RABGAP1: variants seen among roughly 807,000 people sequenced by gnomAD.
RABGAP1 encodes the protein rab GTPase-activating protein 1.
Under a neutral mutation model 137.6 loss-of-function variants are expected in RABGAP1, and 23 were observed. The observed-to-expected ratio is 0.17, with a 90% confidence interval of 0.12 to 0.24. The LOEUF is 0.24. Among genes scored for constraint, RABGAP1 ranks in the 10% least tolerant of loss-of-function variants. The pLI, the probability that RABGAP1 is intolerant of heterozygous loss-of-function variation, is 1.00. For synonymous variants in RABGAP1, 451 were observed against 450.7 expected, an observed-to-expected ratio of 1.00 and a Z score of -0.01; for missense variants, 906 against 1,275.8, an observed-to-expected ratio of 0.71 and a Z score of 4.42.
intron 13 of RABGAP1, among the ~76,000 whole-genome samples, chr9:123,021,817 G>C (rs2031658642): frequency 6.6e-6 from 1 of 152,170 alleles, no homozygotes; most frequent in Admixed American, 6.5e-5. Context: ...TACAACCACA[G>C]TGTTGGAGCT....
intron 10 of RABGAP1, among the ~76,000 whole-genome samples, chr9:122,999,678 C>T (rs540024251): frequency 3.3e-5 from 5 of 151,126 alleles, no homozygotes; most frequent in African/African-American, 9.7e-5. Flanking sequence ...GGGGTTCTTG[C>T]GTTTTTAAAT....
intron 19 of RABGAP1, among the ~76,000 whole-genome samples, chr9:123,080,075 T>G (rs1450020663): frequency 6.6e-6 from 1 of 152,184 alleles, no homozygotes; most frequent in Non-Finnish European, 1.5e-5. Context: ...CAGCCAGAAG[T>G]TTTACCTTTT....
At position 122,984,594 on chromosome 9, in the gene RABGAP1, A is replaced by G; in HGVS notation, c.260A>G (p.Gln87Arg). Residue 87 changes from glutamine to arginine, a missense_variant, in exon 3 of 26, where the codon CAA becomes CGA. Around this residue, in one of 9 missense-constraint regions of RABGAP1, gnomAD observed 331 missense variants for 358.3 expected, o/e 0.92. Transcript: ENST00000373647. ...PGEKELVKRS[Q>R]LDGEGDGPLS... ...GAAAAGGAGCTTGTGAAAAGGTCAC[A>G]ACTGGATGGTGAAGGAGATGGGCCT... 3 of 1,614,188 alleles carry G rather than the reference A, an allele frequency of 1.9e-6. No homozygotes were observed. The Admixed American group carries it at 5.0e-5, about 27-fold the overall frequency.
chr9:123,010,295 AT>A (rs2030683685), intron 10 of RABGAP1, 58 bp from the exon 11 acceptor site: 1 of 1,432,254 alleles, frequency 7.0e-7, no homozygotes, highest in African/African-American at 1.4e-5. Flanking sequence ...AAACACTGCA[AT>A]TAATTAAAAA....
At chr9:122,956,357 A>G (rs1267641757) in intron 1 of RABGAP1, among the ~76,000 whole-genome samples, 2 of 151,592 alleles carry the variant, frequency 1.3e-5, no homozygotes, top group Non-Finnish European at 3.0e-5. Flanking sequence ...GTGCCCTCAC[A>G]ATAACTAAGT....
chr9:123,014,413 A>C (rs1357396881), intron 11 of RABGAP1, among the ~76,000 whole-genome samples: 2 of 152,218 alleles, frequency 1.3e-5, no homozygotes, highest in African/African-American at 4.8e-5. Flanking sequence ...TAAAAACATA[A>C]AAGAGCAGAG....
intron 21 of RABGAP1, 112 bp from the exon 22 acceptor site, chr9:123,097,629 C>G: frequency 1.2e-6 from 1 of 858,508 alleles, no homozygotes. Context: ...TATAATTTCC[C>G]CTCTCTGAAT....
intron 7 of RABGAP1, 111 bp downstream of exon 7, chr9:122,996,262 A>G (rs1837017807): frequency 4.2e-6 from 6 of 1,437,016 alleles, no homozygotes; most frequent in Non-Finnish European, 5.5e-6. Context: ...TTTGTTCCCT[A>G]GGAAATTATT....
chr9:123,003,253 A>AT (rs1236888700), intron 10 of RABGAP1, among the ~76,000 whole-genome samples: 12 of 152,210 alleles, frequency 7.9e-5, no homozygotes, highest in Non-Finnish European at 1.5e-4. Flanking sequence ...TTCAATGAGG[A>AT]TAAATAGTAT....
rs377408130 is a variant in RABGAP1, at chr9:122,997,209, G to A, written c.1102-50G>A. 5.7e-6 allele frequency: 8 copies of A among 1,411,418 alleles called. No individual in the cohort carries two copies. In the African/African-American group the frequency reaches 1.2e-4, roughly 20 times the overall value. 87.4% of individuals were successfully genotyped at this position (1,411,418 alleles called of 1,614,324 possible). The stretch of plus-strand genomic sequence containing the variant: ...AAAGGCAGCAAGATGGGGGTTAACT[G>A]TTGTTCACTCACTGTGGCATTCGGG... On this transcript the variant is annotated intron_variant, in intron 8 of 25. Coordinates refer to ENST00000373647, the MANE Select transcript of RABGAP1 (RefSeq NM_012197.4).
At chr9:123,085,560 CCT>C (rs2034838082) in intron 19 of RABGAP1, among the ~76,000 whole-genome samples, 1 of 152,266 alleles carries the variant, frequency 6.6e-6, no homozygotes, top group African/African-American at 2.4e-5. Flanking sequence ...GGCAAAAATA[CCT>C]CTGTTTGAAG....
chr9:122,955,151 C>T (rs1834441248), intron 1 of RABGAP1, among the ~76,000 whole-genome samples: 1 of 152,072 alleles, frequency 6.6e-6, no homozygotes, highest in Non-Finnish European at 1.5e-5. Context: ...GGAAGAGAAT[C>T]CTGTGAGGGC....
intron 14 of RABGAP1, among the ~76,000 whole-genome samples, chr9:123,068,970 G>A (rs1186338219): frequency 6.6e-6 from 1 of 152,132 alleles, no homozygotes; most frequent in Non-Finnish European, 1.5e-5. Flanking sequence ...AGTTTCACAA[G>A]AAATAAATTT....
intron 13 of RABGAP1, among the ~76,000 whole-genome samples, chr9:123,041,829 A>G (rs1230677099): frequency 6.6e-6 from 1 of 152,236 alleles, no homozygotes; most frequent in Non-Finnish European, 1.5e-5. Flanking sequence ...CTATAAGCAT[A>G]GAGACTAAAA....
chr9:123,103,969 G>GTGTT lies in RABGAP1; in HGVS notation c.*759_*760insTTGT, dbSNP rs2035422512. The GTGTT allele has an allele frequency of 2.3e-5, 1 of 43,154 alleles. No individual in the cohort carries two copies. The highest frequency in any genetic ancestry group is 1.4e-3 in the South Asian group (1 of 716). 2.7% of individuals were successfully genotyped at this position (43,154 alleles called of 1,614,324 possible). The stretch of plus-strand genomic sequence containing the variant: ...CTTATTTTGCTTAATGTGTTTGTGT[G>GTGTT]TGTGTGTGTGTGTGTGTGTGTGTGT... On this transcript the variant is annotated 3_prime_UTR_variant, in exon 26 of 26. Transcript: ENST00000373647.
At chr9:123,028,757 C>T (rs2032129662) in intron 13 of RABGAP1, among the ~76,000 whole-genome samples, 1 of 152,160 alleles carries the variant, frequency 6.6e-6, no homozygotes. Flanking sequence ...AAAGTGGTTT[C>T]CATCTAAAGG....
At chr9:122,939,477 T>C (rs1365210413), upstream of RABGAP1, 1 of 125,316 alleles carries the variant, frequency 8.0e-6, no homozygotes, top group Non-Finnish European at 1.5e-5. Context: ...TGGCCTTTTT[T>C]ATTAAAAAAA....
At chr9:122,944,824 G>T (rs890123594) in intron 1 of RABGAP1, among the ~76,000 whole-genome samples, 3 of 151,608 alleles carry the variant, frequency 2.0e-5, no homozygotes, top group Non-Finnish European at 4.4e-5. Flanking sequence ...TAATCCACCT[G>T]CCTCGGCCTC....
chr9:123,060,337 G>C (rs2033920075), intron 13 of RABGAP1, among the ~76,000 whole-genome samples: 1 of 152,102 alleles, frequency 6.6e-6, no homozygotes, highest in Non-Finnish European at 1.5e-5. Flanking sequence ...CTGTCACCAT[G>C]GGCTTTTGCT....
Sources: allele counts gnomAD v4.1 joint callset (sites outside exome capture counted in the v4.1 genomes callset), GRCh38; gene constraint gnomAD v4.1.1; regional missense constraint gnomAD v4.1.1; transcripts MANE v1.5; gene names NCBI Gene and HGNC (gene_info 2026-07-23, HGNC 2026-07-21).